MOXD1: variants seen among roughly 807,000 people sequenced by gnomAD.
MOXD1 encodes DBH-like monooxygenase protein 1.
Under a neutral mutation model 66.6 loss-of-function variants are expected in MOXD1, and 62 were observed. That is an observed-to-expected ratio of 0.93 (90% CI 0.76 to 1.15). The LOEUF is 1.15. Ranked by LOEUF, MOXD1 falls within the 50% of genes most tolerant of loss-of-function variation. MOXD1 has a pLI of 0.00. For synonymous variants in MOXD1, 303 were observed against 281.9 expected (o/e 1.07, Z -0.75); for missense variants, 847 against 754.6 (o/e 1.12, Z -1.44).
intron 11 of MOXD1, 74 bp from the exon 12 acceptor site, chr6:132,297,391 C>A (rs1774427328): frequency 6.8e-7 from 1 of 1,473,434 alleles, no homozygotes; most frequent in Admixed American, 1.8e-5. Context: ...CGCTCAGCTG[C>A]CCACACTTCT....
At chr6:132,361,545 A>G (rs1776018728) in intron 4 of MOXD1, among the ~76,000 whole-genome samples, 2 of 152,176 alleles carry the variant, frequency 1.3e-5, no homozygotes, top group South Asian at 4.1e-4. Context: ...ATAAAATGTA[A>G]CTTGACAAAT....
rs1438989631 is a variant in MOXD1, at chr6:132,320,174, A to G, written c.1365+455T>C. Among the ~76,000 whole-genome samples the G allele has an allele frequency of 2.6e-5, 4 of 152,274 alleles. No individual in the cohort carries two copies. The East Asian group carries it at 7.7e-4, about 29-fold the overall frequency. ...GTTCCTGAAAGAGATTGAGTAAGAC[A>G]TGAATTATCTATTTCTTGAATGCTT... is the stretch of plus-strand genomic sequence containing the variant. On this transcript the variant is annotated intron_variant, in intron 9 of 11. Coordinates refer to ENST00000367963, the MANE Select transcript of MOXD1 (RefSeq NM_015529.4).
At chr6:132,369,728 G>T (rs1488198754) in intron 4 of MOXD1, among the ~76,000 whole-genome samples, 1 of 152,076 alleles carries the variant, frequency 6.6e-6, no homozygotes, top group Non-Finnish European at 1.5e-5. Context: ...GTGTGAATAT[G>T]CTGGACAAAG....
chr6:132,400,138 C>T (rs945320548), intron 1 of MOXD1, among the ~76,000 whole-genome samples: 1 of 152,088 alleles, frequency 6.6e-6, no homozygotes, highest in African/African-American at 2.4e-5. Flanking sequence ...ATATTTCAGT[C>T]GAAAAGAACC....
chr6:132,366,479 CA>C (rs1170137211), intron 4 of MOXD1, among the ~76,000 whole-genome samples: 1 of 151,082 alleles, frequency 6.6e-6, no homozygotes, highest in African/African-American at 2.4e-5. Flanking sequence ...GACAACAAAC[CA>C]AAATGCTGTT....
rs773700807 is a variant in MOXD1 at position 132,401,226 on chromosome 6, G to C, written c.201C>G (p.Thr67=). ...CGATGTCGGCGGACGCCATGGCCCC[G>C]GTGGGCGAGAAGCCGAAGCCCACGT... ...AGYVGFGFSP[T]GAMASADIVV... The change falls in exon 1 of 12, where the codon ACC becomes ACG. Residue 67 remains threonine, a synonymous_variant. Coordinates refer to ENST00000367963, the MANE Select transcript of MOXD1 (RefSeq NM_015529.4). The C allele has an allele frequency of 7.6e-6, 12 of 1,578,726 alleles. No individual in the cohort carries two copies. Among genetic ancestry groups the C allele is most frequent in the Non-Finnish European group, 9.4e-6 (11 of 1,170,486 alleles).
In MOXD1 at chr6:132,301,201, TA is replaced by T. The variant is rs1562275485; in HGVS notation, c.1509-3247del. Among the ~76,000 whole-genome samples, 8 of 26,982 alleles carry T rather than the reference TA, an allele frequency of 3.0e-4. No homozygotes were observed. The African/African-American group carries it at 6.7e-3, about 23-fold the overall frequency. The allele number at this position is 26,982 out of a possible 152,430, so 17.7% of individuals were successfully genotyped here. Reference sequence around the variant, plus strand: ...ACATACATGTAAACGAATGGTATTATATATATATATATATATATATATTACT... The same window carrying T: ...ACATACATGTAAACGAATGGTATTATTATATATATATATATATATATTACT... On this transcript the variant is annotated intron_variant, in intron 10 of 11. Transcript: ENST00000367963.
intron 1 of MOXD1, chr6:132,374,985 T>C: frequency 1.7e-6 from 1 of 601,332 alleles, no homozygotes; most frequent in Non-Finnish European, 2.9e-6. Flanking sequence ...AAGCATAGTG[T>C]AGACTGATAA....
At chr6:132,309,623 C>T (rs1387927132) in intron 10 of MOXD1, among the ~76,000 whole-genome samples, 2 of 152,186 alleles carry the variant, frequency 1.3e-5, no homozygotes, top group Admixed American at 1.3e-4. Context: ...TCAAACTATA[C>T]TACAAGGCTA....
intron 6 of MOXD1, among the ~76,000 whole-genome samples, chr6:132,326,711 G>A (rs1775194826): frequency 1.3e-5 from 2 of 152,060 alleles, no homozygotes; most frequent in Admixed American, 1.3e-4. Context: ...TAGATTCATG[G>A]TTCAGAGTAT....
At chr6:132,356,147 C>T (rs1157251780) in intron 4 of MOXD1, among the ~76,000 whole-genome samples, 4 of 152,174 alleles carry the variant, frequency 2.6e-5, no homozygotes, top group African/African-American at 9.7e-5. Flanking sequence ...GATCTTGATT[C>T]TGGTTTCATG....
At chr6:132,305,179 G>A (rs1475020408) in intron 10 of MOXD1, among the ~76,000 whole-genome samples, 1 of 152,234 alleles carries the variant, frequency 6.6e-6, no homozygotes, top group African/African-American at 2.4e-5. Context: ...TCCCCTGCTG[G>A]AGCCAGAGAG....
intron 4 of MOXD1, among the ~76,000 whole-genome samples, chr6:132,360,844 G>C (rs1776005051): frequency 1.3e-5 from 2 of 152,292 alleles, no homozygotes; most frequent in African/African-American, 4.8e-5. Context: ...TAGTGTGAAG[G>C]AATGTTTCCA....
chr6:132,301,016 C>G (rs529990483), intron 10 of MOXD1, among the ~76,000 whole-genome samples: 13 of 152,142 alleles, frequency 8.5e-5, no homozygotes, highest in African/African-American at 3.1e-4. Context: ...ATCCTGAATA[C>G]TTTTTTTCAA....
At chr6:132,309,933 T>C (rs1188260099) in intron 10 of MOXD1, among the ~76,000 whole-genome samples, 1 of 152,178 alleles carries the variant, frequency 6.6e-6, no homozygotes, top group Non-Finnish European at 1.5e-5. Flanking sequence ...ATTCAGGACA[T>C]AGGCATGGGC....
intron 4 of MOXD1, among the ~76,000 whole-genome samples, chr6:132,335,278 TA>T (rs1379997944): frequency 6.8e-6 from 1 of 146,390 alleles, no homozygotes; most frequent in Non-Finnish European, 1.5e-5. Context: ...GAAAGAAACA[TA>T]TTTTTTTTTT....
intron 4 of MOXD1, among the ~76,000 whole-genome samples, chr6:132,372,166 A>G (rs1776274573): frequency 1.3e-5 from 2 of 152,052 alleles, no homozygotes; most frequent in African/African-American, 4.8e-5. Flanking sequence ...TCTTTTTTCT[A>G]TTTTCAAAAA....
At chr6:132,321,513 A>G (rs1457088386) in intron 8 of MOXD1, among the ~76,000 whole-genome samples, 6 of 152,174 alleles carry the variant, frequency 3.9e-5, no homozygotes, top group Non-Finnish European at 5.9e-5. Context: ...GTACATTACA[A>G]TACATATGGA....
At chr6:132,381,457 C>CA (rs778839480) in intron 1 of MOXD1, among the ~76,000 whole-genome samples, 208 of 146,408 alleles carry the variant, frequency 1.4e-3, no homozygotes, top group Admixed American at 3.2e-3. Flanking sequence ...GAGAAAAAGG[C>CA]AAAAAAAAAT....
Sources: allele counts gnomAD v4.1 joint callset (sites outside exome capture counted in the v4.1 genomes callset), GRCh38; gene constraint gnomAD v4.1.1; transcripts MANE v1.5; gene names NCBI Gene and HGNC (gene_info 2026-07-23, HGNC 2026-07-21).